Variants in CTNNA3 observed in about 807,000 individuals in gnomAD.
CTNNA3 encodes catenin alpha-3.
A neutral mutation model predicts 95.7 loss-of-function variants in CTNNA3; 76 were observed. The ratio of observed to expected loss-of-function variants is 0.79; its 90% CI spans 0.66 to 0.96. CTNNA3 has a LOEUF of 0.96. Among genes scored for constraint, CTNNA3 ranks in the 40% least tolerant of loss-of-function variants. The pLI, the probability that CTNNA3 is intolerant of heterozygous loss-of-function variation, is 0.00. For missense variants in CTNNA3, 1,191 were observed against 1,089.8 expected (o/e 1.09, Z -1.31); for synonymous variants, 431 against 374.4 (o/e 1.15, Z -1.74).
At chr10:67,386,140 T>G (rs1844152121) in intron 5 of CTNNA3, among the ~76,000 whole-genome samples, 1 of 152,176 alleles carries the variant, frequency 6.6e-6, no homozygotes, top group Non-Finnish European at 1.5e-5. Context: ...TACTCATAAA[T>G]TAGGTATAGG....
At chr10:67,488,672 CTTTTTTT>C (rs565227051) in intron 5 of CTNNA3, among the ~76,000 whole-genome samples, 1 of 130,774 alleles carries the variant, frequency 7.6e-6, no homozygotes, top group Non-Finnish European at 1.6e-5. Context: ...TGCCCGGCCT[CTTTTTTT>C]TTTTTTTTTG....
chr10:66,889,840 G>A (rs970743657), intron 7 of CTNNA3, among the ~76,000 whole-genome samples: 1 of 150,406 alleles, frequency 6.6e-6, no homozygotes, highest in Admixed American at 6.6e-5. Context: ...CCCAAGGCTG[G>A]AGTGCAGTGG....
chr10:67,453,302 C>T, intron 5 of CTNNA3, among the ~76,000 whole-genome samples: 1 of 152,076 alleles, frequency 6.6e-6, no homozygotes. Context: ...GCAGGTAAGG[C>T]CTAGAGAAAC....
intron 7 of CTNNA3, among the ~76,000 whole-genome samples, chr10:66,818,832 G>T (rs552162128): frequency 6.6e-6 from 1 of 152,128 alleles, no homozygotes; most frequent in African/African-American, 2.4e-5. Flanking sequence ...GCTCACCATC[G>T]TAATCCCAGC....
At chr10:67,191,175 G>T (rs73262230) in intron 6 of CTNNA3, among the ~76,000 whole-genome samples, 178 of 152,010 alleles carry the variant, frequency 1.2e-3, no homozygotes, top group African/African-American at 4.2e-3. Flanking sequence ...AAAACAGTTT[G>T]GCGGTTTCTT....
intron 13 of CTNNA3, among the ~76,000 whole-genome samples, chr10:66,121,028 T>C (rs1471615207): frequency 1.3e-5 from 2 of 152,172 alleles, no homozygotes; most frequent in Non-Finnish European, 2.9e-5. Flanking sequence ...TCCTTTTCCA[T>C]GTAAAATCTA....
At chr10:66,244,892 A>T (rs1471473913) in intron 13 of CTNNA3, among the ~76,000 whole-genome samples, 1 of 152,206 alleles carries the variant, frequency 6.6e-6, no homozygotes, top group Admixed American at 6.5e-5. Context: ...ACAGTAAATA[A>T]GACACCAGAG....
In CTNNA3 at chr10:67,727,207, A is replaced by G. The variant is rs1324315724; in HGVS notation, c.-2+36227T>C. Among the ~76,000 whole-genome samples the G allele has an allele frequency of 6.3e-5, 8 of 126,590 alleles. No individual in the cohort carries two copies. In the South Asian group the frequency reaches 1.8e-3, roughly 29 times the overall value. The allele number at this position is 126,590 out of a possible 152,430, so 83.0% of individuals were successfully genotyped here. A position where few individuals can be genotyped will look rare whatever the true frequency, so the allele number is the denominator to read the frequency against. ...ATATATATTATGTGTATATATACCTATATGTATATATGTATATTACATATT... is the reference window on the plus strand; with the variant it reads ...ATATATATTATGTGTATATATACCTGTATGTATATATGTATATTACATATT... On this transcript the variant is annotated intron_variant, in intron 1 of 17. Transcript: ENST00000684154.
At chr10:67,736,239 G>A (rs1377036412) in intron 1 of CTNNA3, among the ~76,000 whole-genome samples, 2 of 151,790 alleles carry the variant, frequency 1.3e-5, no homozygotes, top group African/African-American at 4.9e-5. Flanking sequence ...GACCTACAGA[G>A]ACAGAAAGTA....
intron 10 of CTNNA3, among the ~76,000 whole-genome samples, chr10:66,537,401 G>A (rs1398603163): frequency 6.6e-6 from 1 of 151,944 alleles, no homozygotes; most frequent in Non-Finnish European, 1.5e-5. Context: ...CAGTCCATGA[G>A]GTGACTTCAT....
chr10:65,929,574 T>TC (rs1347851601), intron 17 of CTNNA3, among the ~76,000 whole-genome samples: 5 of 150,626 alleles, frequency 3.3e-5, no homozygotes, highest in Admixed American at 6.6e-5. Flanking sequence ...TTTCTTTCTT[T>TC]TTTTTTTTTT....
At chr10:66,483,097 C>A (rs1279770364) in intron 11 of CTNNA3, among the ~76,000 whole-genome samples, 3 of 152,116 alleles carry the variant, frequency 2.0e-5, no homozygotes, top group Non-Finnish European at 4.4e-5. Flanking sequence ...GACTTGGAGG[C>A]TAACTATATT....
chr10:66,604,787 G>A (rs1255436401), intron 10 of CTNNA3, among the ~76,000 whole-genome samples: 18 of 49,010 alleles, frequency 3.7e-4, no homozygotes, highest in East Asian at 1.5e-3. Flanking sequence ...TAGGATAAAA[G>A]CAAAAAAAAA....
At chr10:67,105,773 C>T (rs1411180224) in intron 7 of CTNNA3, among the ~76,000 whole-genome samples, 2 of 152,106 alleles carry the variant, frequency 1.3e-5, no homozygotes, top group Non-Finnish European at 2.9e-5. Context: ...TGCCTTGAGG[C>T]AAAAGCCTGA....
At chr10:66,456,862 T>C (rs1343914510) in intron 11 of CTNNA3, among the ~76,000 whole-genome samples, 1 of 151,938 alleles carries the variant, frequency 6.6e-6, no homozygotes, top group African/African-American at 2.4e-5. Flanking sequence ...GGCAGGCCAA[T>C]GTGTGAGGAC....
intron 5 of CTNNA3, among the ~76,000 whole-genome samples, chr10:67,313,474 A>G (rs2616686): frequency 0.7 from 105,845 of 151,748 alleles, 41,387 homozygotes; most frequent in Non-Finnish European, 0.88. Context: ...AAACTTTAGC[A>G]TTTCTCAAAG....
At chr10:67,189,360 A>G (rs980297942) in intron 6 of CTNNA3, among the ~76,000 whole-genome samples, 1 of 152,102 alleles carries the variant, frequency 6.6e-6, no homozygotes, top group Non-Finnish European at 1.5e-5. Context: ...CAAAAGATTC[A>G]AAATTTTACT....
intron 2 of CTNNA3, among the ~76,000 whole-genome samples, chr10:67,610,562 T>C (rs1843423814): frequency 6.6e-6 from 1 of 152,180 alleles, no homozygotes; most frequent in Admixed American, 6.5e-5. Flanking sequence ...TTTAACTTAC[T>C]CCTATCAGTG....
At chr10:66,810,848 C>T (rs1841847347) in intron 7 of CTNNA3, among the ~76,000 whole-genome samples, 2 of 152,096 alleles carry the variant, frequency 1.3e-5, no homozygotes, top group South Asian at 4.1e-4. Flanking sequence ...AACTTGTGTC[C>T]TTCTTTCCAA....
Sources: allele counts gnomAD v4.1 joint callset (sites outside exome capture counted in the v4.1 genomes callset), GRCh38; gene constraint gnomAD v4.1.1; transcripts MANE v1.5; gene names NCBI Gene and HGNC (gene_info 2026-07-23, HGNC 2026-07-21).